NDUFV2: variants seen among roughly 807,000 people sequenced by gnomAD.
NDUFV2 encodes the protein NADH:ubiquinone oxidoreductase core subunit V2, also known as NADH dehydrogenase [ubiquinone] flavoprotein 2, mitochondrial.
NDUFV2 carries 18 observed loss-of-function variants against 31.6 expected under a neutral mutation model. That is an observed-to-expected ratio of 0.57 (90% CI 0.39 to 0.84). The LOEUF (loss-of-function observed/expected upper bound fraction) is 0.84, where lower values mean the gene tolerates loss of function less well. Ranked by LOEUF, NDUFV2 falls within the 40% of genes least tolerant of loss-of-function variation. The pLI, the probability that NDUFV2 is intolerant of heterozygous loss-of-function variation, is 0.00. For synonymous variants in NDUFV2, 83 were observed against 99.8 expected, an observed-to-expected ratio of 0.83 and a Z score of 1.01; for missense variants, 314 against 303.6, an observed-to-expected ratio of 1.03 and a Z score of -0.26.
chr18:9,112,023 T>TG (rs1484402042), intron 1 of NDUFV2, among the ~76,000 whole-genome samples: 4 of 149,368 alleles, frequency 2.7e-5, no homozygotes, highest in Non-Finnish European at 4.5e-5. Context: ...AAGGGTTTTT[T>TG]TTTTTTTTTT....
intron 1 of NDUFV2, chr18:9,105,123 C>G: frequency 1.1e-6 from 1 of 889,050 alleles, no homozygotes; most frequent in South Asian, 5.0e-5. Flanking sequence ...CCAGGCCCTT[C>G]TAACCTTTCA....
At chr18:9,118,113 T>A (rs2144740105) in intron 2 of NDUFV2, among the ~76,000 whole-genome samples, 1 of 152,350 alleles carries the variant, frequency 6.6e-6, no homozygotes, top group East Asian at 1.9e-4. Flanking sequence ...AGGAAAACTC[T>A]GGGAATAAGA....
chr18:9,103,234 G>C (rs2077824087), intron 1 of NDUFV2: 1 of 398,372 alleles, frequency 2.5e-6, no homozygotes, highest in Non-Finnish European at 4.4e-6. Flanking sequence ...TGAAGGCTTA[G>C]GGAGAACTTC....
chr18:9,123,112 CAG>C (rs1176792820), intron 5 of NDUFV2, among the ~76,000 whole-genome samples: 6 of 152,282 alleles, frequency 3.9e-5, no homozygotes, highest in Admixed American at 2.6e-4. Flanking sequence ...AAATTTGAAA[CAG>C]ATGTTATTAC....
At chr18:9,120,870 T>G (rs188455715) in intron 4 of NDUFV2, among the ~76,000 whole-genome samples, 93 of 152,240 alleles carry the variant, frequency 6.1e-4, no homozygotes, top group African/African-American at 2.1e-3. Flanking sequence ...AAATCATATT[T>G]TTAGTAATGG....
At chr18:9,120,564 T>G (rs2144743694) in intron 4 of NDUFV2, among the ~76,000 whole-genome samples, 1 of 152,374 alleles carries the variant, frequency 6.6e-6, no homozygotes, top group South Asian at 2.1e-4. Flanking sequence ...ATCATCTTTC[T>G]GAGAGAATAG....
intron 6 of NDUFV2, 25 bp downstream of exon 6, chr18:9,125,008 TA>T: frequency 1.2e-6 from 2 of 1,607,140 alleles, no homozygotes; most frequent in Non-Finnish European, 1.7e-6. Context: ...TAATACAAGT[TA>T]AAGTTGTATG....
At chr18:9,118,815 G>GTTTTTTTTTTTTTTTTTTTTTTTTTTTTT (rs71168030) in intron 2 of NDUFV2, among the ~76,000 whole-genome samples, 1 of 76,762 alleles carries the variant, frequency 1.3e-5, no homozygotes. Context: ...AGATGGTGCT[G>GTTTTTTTTTTTTTTTTTTTTTTTTTTTTT]TTTTTTTTTT....
chr18:9,103,057 A>C (rs190289101), intron 1 of NDUFV2: 1 of 437,696 alleles, frequency 2.3e-6, no homozygotes, highest in African/African-American at 2.0e-5. Context: ...TGATATATAT[A>C]TATATGTTTG....
intron 4 of NDUFV2, among the ~76,000 whole-genome samples, chr18:9,121,022 TG>T (rs1333035584): frequency 5.9e-5 from 9 of 152,002 alleles, no homozygotes; most frequent in African/African-American, 2.2e-4. Flanking sequence ...GATGTTGATG[TG>T]GGAGGATTGC....
intron 7 of NDUFV2, among the ~76,000 whole-genome samples, chr18:9,129,643 AG>A (rs1451576999): frequency 6.6e-6 from 1 of 152,172 alleles, no homozygotes; most frequent in East Asian, 1.9e-4. Flanking sequence ...GAAGAGCTAG[AG>A]GGAACCATGT....
At chr18:9,112,961 C>T (rs887098153) in intron 1 of NDUFV2, among the ~76,000 whole-genome samples, 8 of 151,952 alleles carry the variant, frequency 5.3e-5, no homozygotes, top group Non-Finnish European at 1.2e-4. Flanking sequence ...ATGATACATC[C>T]CACCTTCTAA....
intron 2 of NDUFV2, among the ~76,000 whole-genome samples, chr18:9,118,636 C>T (rs75385035): frequency 0.063 from 9,557 of 152,132 alleles, 328 homozygotes; most frequent in Non-Finnish European, 0.079. Flanking sequence ...TTTCTGTATT[C>T]ACCACACATA....
intron 1 of NDUFV2, among the ~76,000 whole-genome samples, chr18:9,114,687 A>G (rs1377980384): frequency 6.6e-6 from 1 of 152,224 alleles, no homozygotes; most frequent in African/African-American, 2.4e-5. Flanking sequence ...CAAGGCCTCA[A>G]CAACTACAAA....
intron 1 of NDUFV2, among the ~76,000 whole-genome samples, chr18:9,108,680 T>G (rs1234365201): frequency 2.9e-5 from 4 of 138,440 alleles, no homozygotes; most frequent in African/African-American, 1.1e-4. Flanking sequence ...AACTTTTGTT[T>G]TTCATGGAAT....
chr18:9,105,314 T>C (rs1038762636), intron 1 of NDUFV2, among the ~76,000 whole-genome samples: 4 of 152,374 alleles, frequency 2.6e-5, no homozygotes, highest in South Asian at 4.1e-4. Context: ...CAGCTCATCA[T>C]TGCTTAAAAT....
intron 7 of NDUFV2, 125 bp downstream of exon 7, chr18:9,127,032 T>C: frequency 2.6e-6 from 2 of 779,840 alleles, no homozygotes; most frequent in Non-Finnish European, 4.5e-6. Context: ...GATAGTATTA[T>C]CTATATGAAT....
intron 1 of NDUFV2, among the ~76,000 whole-genome samples, chr18:9,105,812 A>AT (rs892442801): frequency 6.6e-6 from 1 of 152,084 alleles, no homozygotes; most frequent in Non-Finnish European, 1.5e-5. Flanking sequence ...TGTATTGTGT[A>AT]TTTTTTCATT....
At chr18:9,111,999 A>T (rs1392614826) in intron 1 of NDUFV2, among the ~76,000 whole-genome samples, 1 of 149,024 alleles carries the variant, frequency 6.7e-6, no homozygotes, top group Non-Finnish European at 1.5e-5. Flanking sequence ...CTTTTACACC[A>T]CACTCAGCAT....
Sources: allele counts gnomAD v4.1 joint callset (sites outside exome capture counted in the v4.1 genomes callset), GRCh38; gene constraint gnomAD v4.1.1; transcripts MANE v1.5; gene names NCBI Gene and HGNC (gene_info 2026-07-23, HGNC 2026-07-21).